The following CRYBA4 variants were observed in gnomAD, a reference collection of about 807,000 sequenced individuals.
The protein encoded by CRYBA4 is crystallin beta A4, also known as beta-crystallin A4.
A neutral mutation model predicts 31.7 loss-of-function variants in CRYBA4; 30 were observed. That is an observed-to-expected ratio of 0.95 (90% CI 0.71 to 1.28). The LOEUF (loss-of-function observed/expected upper bound fraction) is 1.28. Among genes scored for constraint, CRYBA4 ranks in the 50% most tolerant of loss-of-function variants. The probability of loss-of-function intolerance (pLI) is 0.00; values close to 1 mark genes in which losing one functional copy is unlikely to be tolerated. For synonymous variants in CRYBA4, 102 were observed against 102.3 expected, an observed-to-expected ratio of 1.00 and a Z score of 0.02; for missense variants, 225 against 260.7, an observed-to-expected ratio of 0.86 and a Z score of 0.94.
chr22:26,595,348 A>G, the CRYBA4 span, among the ~76,000 whole-genome samples: 2 of 152,128 alleles, frequency 1.3e-5, no homozygotes, highest in Non-Finnish European at 2.9e-5. Flanking sequence ...AGGCCGAGGC[A>G]GGAGGATCAA....
chr22:26,623,524 G>A (rs552638911), intron 3 of CRYBA4, among the ~76,000 whole-genome samples, 172 bp downstream of exon 3: 23 of 152,030 alleles, frequency 1.5e-4, no homozygotes, highest in Non-Finnish European at 3.1e-4. Flanking sequence ...TGCAGGTTGC[G>A]CACTGCCCAA....
At chr22:26,590,243 G>A in the CRYBA4 span, 1 of 150,420 alleles carries the variant, frequency 6.6e-6, no homozygotes, top group Non-Finnish European at 1.5e-5. Flanking sequence ...ACCGCGAGGT[G>A]AGCAGAGGCT....
chr22:26,622,107 C>G, intron 1 of CRYBA4, 121 bp downstream of exon 1: 1 of 368,346 alleles, frequency 2.7e-6, no homozygotes, highest in Non-Finnish European at 3.8e-6. Flanking sequence ...CCATCCTCAT[C>G]CTAACCAAGG....
the CRYBA4 span, among the ~76,000 whole-genome samples, chr22:26,615,813 C>T: frequency 3.3e-5 from 5 of 152,148 alleles, no homozygotes; most frequent in Non-Finnish European, 1.5e-5. Flanking sequence ...TGCGCCCGGC[C>T]CCACTTTCTC....
At chr22:26,629,156 G>C (rs1383591438) in intron 5 of CRYBA4, among the ~76,000 whole-genome samples, 1 of 152,224 alleles carries the variant, frequency 6.6e-6, no homozygotes, top group Non-Finnish European at 1.5e-5. Context: ...CCACCCAGGA[G>C]GTGGCAGGTG....
the CRYBA4 span, chr22:26,599,572 A>T: frequency 6.2e-7 from 1 of 1,614,204 alleles, no homozygotes. Context: ...CAGGGACTGC[A>T]TCTGTGGCTG....
the CRYBA4 span, among the ~76,000 whole-genome samples, chr22:26,609,603 G>A: frequency 2.6e-5 from 4 of 152,266 alleles, no homozygotes; most frequent in East Asian, 1.9e-4. Context: ...TGGTGGGTAC[G>A]TGTGTATAAA....
At chr22:26,591,235 C>A in the CRYBA4 span, among the ~76,000 whole-genome samples, 1 of 151,820 alleles carries the variant, frequency 6.6e-6, no homozygotes, top group South Asian at 2.1e-4. Flanking sequence ...CTTTGGGAGG[C>A]CAAGGTGGGT....
At chr22:26,608,026 A>G in the CRYBA4 span, 4 of 1,614,162 alleles carry the variant, frequency 2.5e-6, no homozygotes, top group South Asian at 2.2e-5. Flanking sequence ...ACCCAGCTGG[A>G]TACAAGAAGG....
intron 1 of CRYBA4, 51 bp downstream of exon 1, chr22:26,622,037 T>C (rs76095025): frequency 0.03 from 29,332 of 969,358 alleles, 558 homozygotes; most frequent in East Asian, 0.097. Flanking sequence ...GAGTGAGCAT[T>C]CTGGGAGGCG....
the CRYBA4 span, among the ~76,000 whole-genome samples, chr22:26,591,890 TACACACACAC>T: frequency 3.3e-4 from 45 of 135,954 alleles, no homozygotes; most frequent in African/African-American, 1.2e-3. Context: ...CCTGGGTGAG[TACACACACAC>T]ACACACACAC....
chr22:26,590,371 C>G, the CRYBA4 span, among the ~76,000 whole-genome samples: 1 of 152,216 alleles, frequency 6.6e-6, no homozygotes, highest in Non-Finnish European at 1.5e-5. Flanking sequence ...CCGGTCAGTT[C>G]TGTTTAAGAG....
At chr22:26,616,182 A>T in the CRYBA4 span, 3 of 1,614,064 alleles carry the variant, frequency 1.9e-6, no homozygotes, top group Non-Finnish European at 2.5e-6. Context: ...TGGCGCTGGT[A>T]ATAGGCACGG....
the CRYBA4 span, chr22:26,599,142 C>A: frequency 3.3e-6 from 1 of 307,328 alleles, no homozygotes. Flanking sequence ...CCATCTCTTA[C>A]CTAGTATCCT....
At chr22:26,610,223 A>G in the CRYBA4 span, among the ~76,000 whole-genome samples, 5 of 152,150 alleles carry the variant, frequency 3.3e-5, no homozygotes, top group Non-Finnish European at 5.9e-5. Context: ...AACTGAGGCT[A>G]AGAGGGGTTA....
At chr22:26,621,063 A>G (rs1555943018), upstream of CRYBA4, among the ~76,000 whole-genome samples, 2 of 152,138 alleles carry the variant, frequency 1.3e-5, no homozygotes, top group Non-Finnish European at 2.9e-5. Context: ...TTTACACACA[A>G]GTATGTATGT....
the CRYBA4 span, among the ~76,000 whole-genome samples, chr22:26,611,461 T>G: frequency 3.7e-5 from 5 of 135,990 alleles, no homozygotes; most frequent in East Asian, 2.4e-4. Flanking sequence ...TTTGTTTTTT[T>G]TTTTTTTGTT....
At chr22:26,619,092 A>T (rs1929453805), upstream of CRYBA4, among the ~76,000 whole-genome samples, 1 of 152,210 alleles carries the variant, frequency 6.6e-6, no homozygotes, top group Admixed American at 6.5e-5. Context: ...ATGGGTTCTC[A>T]GTCAATAACT....
At chr22:26,601,814 G>T in the CRYBA4 span, 1 of 1,608,328 alleles carries the variant, frequency 6.2e-7, no homozygotes. Context: ...CCTGTAAGGG[G>T]AGCAGCCTCT....
Sources: gnomAD v4.1 joint callset for allele counts (sites outside exome capture counted in the v4.1 genomes callset) on GRCh38, gnomAD v4.1.1 for gene constraint, MANE v1.5 for transcripts, NCBI Gene and HGNC (gene_info 2026-07-23, HGNC 2026-07-21) for gene names.